The following CGN variants were observed in gnomAD, a reference collection of about 807,000 sequenced individuals.
The protein encoded by CGN is cingulin.
Under a neutral mutation model 157.1 loss-of-function variants are expected in CGN, and 121 were observed. That is an observed-to-expected ratio of 0.77 (90% CI 0.66 to 0.90). The LOEUF (loss-of-function observed/expected upper bound fraction) is 0.90. CGN is among the 40% of genes least tolerant of loss of function. CGN has a pLI of 0.00. For missense variants in CGN, 1,424 were observed against 1,520.9 expected (o/e 0.94, Z 1.06); for synonymous variants, 535 against 607.5 (o/e 0.88, Z 1.76).
At position 151,532,587 on chromosome 1, in the gene CGN, T is replaced by A; in HGVS notation, c.2742+15T>A. ...TTCAGGATGAGGTAGAAGTCTAATA[T>A]CCTTGGGTTTGAAGGTCCTTGCCTC... On this transcript the variant is annotated intron_variant, in intron 14 of 20. Coordinates refer to ENST00000271636, the MANE Select transcript of CGN (RefSeq NM_020770.3). The A allele has an allele frequency of 7.1e-7, 1 of 1,418,232 alleles. No individual in the cohort carries two copies. Among genetic ancestry groups the A allele is most frequent in the Non-Finnish European group, 9.3e-7 (1 of 1,071,942 alleles). 87.9% of individuals were successfully genotyped at this position (1,418,232 alleles called of 1,614,324 possible).
At chr1:151,529,663 C>A in intron 11 of CGN, 104 bp downstream of exon 11, 1 of 1,055,344 alleles carries the variant, frequency 9.5e-7, no homozygotes, top group Non-Finnish European at 1.4e-6. Flanking sequence ...TATGTACTGA[C>A]CAGCTCCTGG....
intron 5 of CGN, among the ~76,000 whole-genome samples, chr1:151,522,362 C>T (rs1484042479): frequency 1.3e-5 from 2 of 152,208 alleles, no homozygotes; most frequent in African/African-American, 2.4e-5. Flanking sequence ...CAATGGCTCA[C>T]ACCCATAATC....
chr1:151,534,043 G>A lies in CGN; in HGVS notation c.2811G>A (p.Glu937=), dbSNP rs1571670707. ...AERDTARLDK[E]LLAQRLQGLE... ...GGGACACAGCCCGGCTGGACAAAGAGCTACTGGCCCAGCGACTGCAGGGGC... is the reference window on the plus strand; with the variant it reads ...GGGACACAGCCCGGCTGGACAAAGAACTACTGGCCCAGCGACTGCAGGGGC... The change falls in exon 15 of 21, where the codon GAG becomes GAA. Residue 937 remains glutamate (E), a synonymous_variant. Coordinates refer to ENST00000271636, the MANE Select transcript of CGN (RefSeq NM_020770.3). The A allele has an allele frequency of 2.5e-6, 4 of 1,613,806 alleles. No individual in the cohort carries two copies. In the East Asian group the frequency reaches 8.9e-5, roughly 36 times the overall value.
At position 151,519,175 on chromosome 1, in the gene CGN, T is replaced by C. The variant is rs1243510640; in HGVS notation, c.656T>C (p.Leu219Pro). The change falls in exon 2 of 21, where the codon CTC (leucine) becomes CCC (proline). Residue 219 changes from leucine to proline, a missense_variant. By Grantham distance (98) the Leu-to-Pro change is moderately conservative. Around this residue, in one of 3 missense-constraint regions of CGN, gnomAD observed 1,187 missense variants for 1,217.6 expected, o/e 0.97. Transcript: ENST00000271636. The part of the protein sequence containing the change: ...RKRSKSLDSR[L>P]PRDTFEERER... ...CGGAGCAAGAGCCTGGACAGCCGCC[T>C]CCCACGGGACACCTTTGAGGAACGG... 6.2e-7 allele frequency: 1 copy of C among 1,614,028 alleles called. No individual in the cohort carries two copies. Among genetic ancestry groups the C allele is most frequent in the Admixed American group, 1.7e-5 (1 of 60,026 alleles).
In CGN at chr1:151,534,063, AG is replaced by A; in HGVS notation, c.2835del (p.Leu946TrpfsTer19). On this transcript the variant is annotated frameshift_variant, in exon 15 of 21. Transcript: ENST00000271636. LOFTEE classifies it high-confidence loss of function. ...AAAGAGCTACTGGCCCAGCGACTGC[AG>A]GGGCTGGAGCAAGAGGCAGAGAACA... ...LDKELLAQRL[Q>X]GLEQEAENKK... 1 of 1,613,684 alleles carries A rather than the reference AG, an allele frequency of 6.2e-7. No homozygotes were observed. The highest frequency in any genetic ancestry group is 2.2e-5 in the East Asian group (1 of 44,868).
chr1:151,524,817 G>T lies in CGN; in HGVS notation c.1545G>T (p.Val515=). 6.2e-7 allele frequency: 1 copy of T among 1,612,650 alleles called. No homozygotes were observed. The highest frequency in any genetic ancestry group is 8.5e-7 in the Non-Finnish European group (1 of 1,180,000). ...AGGTAGCCTCCCGTGACCAGGAGGT[G>T]GAACATGTCCGGCAGCAGTACCAGC... ...KEEVASRDQE[V]EHVRQQYQRD... is the part of the protein sequence containing the mutation. Residue 515 remains valine (V), a synonymous_variant, in exon 8 of 21, where the codon GTG becomes GTT. Coordinates refer to ENST00000271636, the MANE Select transcript of CGN (RefSeq NM_020770.3). The surrounding 1 kb of genome is among the most constrained non-coding windows in gnomAD (Gnocchi z 4.4).
rs1272991117 is a variant in CGN, at chr1:151,538,311, C to T, written c.*965C>T. ...GTGGCCTTCCTTGGGGCTTCTCTGA[C>T]CACATGTGCCCAACTTCAATAAGAG... On this transcript the variant is annotated 3_prime_UTR_variant, in exon 21 of 21. Transcript: ENST00000271636. 6.6e-6 allele frequency: 1 copy of T among 152,198 alleles called. No homozygotes were observed. 9.4% of individuals were successfully genotyped at this position (152,198 alleles called of 1,614,324 possible). A position where few individuals can be genotyped will look rare whatever the true frequency, so the allele number is the denominator to read the frequency against.
rs112517377 is a variant in CGN, at chr1:151,530,699, G to A, written c.2524G>A (p.Glu842Lys). 71 of 1,555,974 alleles carry A rather than the reference G, an allele frequency of 4.6e-5. No homozygotes were observed. Among genetic ancestry groups the A allele is most frequent in the Non-Finnish European group, 5.9e-5 (68 of 1,149,184 alleles). Reference sequence around the variant, plus strand: ...CCGGCGAGGCAAGGCTGAGCTGGAGGAGCAGAAGCGTTTGCTGGACAGGAC... The same window carrying A: ...CCGGCGAGGCAAGGCTGAGCTGGAGAAGCAGAAGCGTTTGCTGGACAGGAC... ...VLRRGKAELE[E>K]QKRLLDRTVD... Residue 842 changes from glutamate (E) to lysine (K), a missense_variant, in exon 13 of 21, where the codon GAG becomes AAG. Coordinates refer to ENST00000271636, the MANE Select transcript of CGN (RefSeq NM_020770.3).
At chr1:151,517,509 T>G (rs1285743243) in intron 1 of CGN, among the ~76,000 whole-genome samples, 1 of 121,142 alleles carries the variant, frequency 8.3e-6, no homozygotes, top group South Asian at 2.3e-4. Context: ...GCACACAGTG[T>G]TTTTTTTTTT....
chr1:151,515,356 A>T (rs1444148883), intron 1 of CGN: 1 of 152,166 alleles, frequency 6.6e-6, no homozygotes, highest in Non-Finnish European at 1.5e-5. Context: ...TTATCATTGT[A>T]TATGCCCATA....
In CGN at chr1:151,524,994, C is replaced by G. The variant is rs530072759; in HGVS notation, c.1614+108C>G. ...TCATGGTTGCAACTGGGAACTCCCC[C>G]TCTCCTCCTAAAGGACACAGTGAGA... On this transcript the variant is annotated intron_variant, in intron 8 of 20. Transcript: ENST00000271636. The surrounding 1 kb of genome is among the most constrained non-coding windows in gnomAD (Gnocchi z 4.4). 2 of 854,616 alleles carry G rather than the reference C, an allele frequency of 2.3e-6. No homozygotes were observed. The highest frequency in any genetic ancestry group is 1.7e-5 in the African/African-American group (1 of 58,512). 52.9% of individuals were successfully genotyped at this position (854,616 alleles called of 1,614,324 possible).
intron 14 of CGN, 94 bp downstream of exon 14, chr1:151,532,666 C>G: frequency 9.4e-7 from 1 of 1,067,810 alleles, no homozygotes; most frequent in South Asian, 2.6e-5. Flanking sequence ...GTCGCCCAGG[C>G]TGGAGTTCAG....
Position 151,518,499 on chromosome 1 carries a change from C to A in CGN, c.-14-7C>A. On this transcript the variant is annotated splice_polypyrimidine_tract_variant and splice_region_variant and intron_variant, in intron 1 of 20. Coordinates refer to ENST00000271636, the MANE Select transcript of CGN (RefSeq NM_020770.3). ...TCTCAGCCTAAACTCATTTCTTCAT[C>A]TTCTAGGACTCCTCCTATTTATGGA... The A allele has an allele frequency of 1.3e-6, 2 of 1,584,248 alleles. No homozygotes were observed. The highest frequency in any genetic ancestry group is 1.7e-6 in the Non-Finnish European group (2 of 1,162,172).
chr1:151,532,274 A>T, intron 13 of CGN, 128 bp from the exon 14 acceptor site: 1 of 604,974 alleles, frequency 1.7e-6, no homozygotes, highest in Non-Finnish European at 2.7e-6. Context: ...CTAGGAACCT[A>T]GGCCCAGGAA....
chr1:151,520,134 C>A, intron 2 of CGN, 32 bp from the exon 3 acceptor site: 1 of 1,398,502 alleles, frequency 7.2e-7, no homozygotes, highest in Non-Finnish European at 9.8e-7. Flanking sequence ...TTCTTTCTTT[C>A]TTTTTTTTTT....
At chr1:151,532,215 G>A (rs576271619) in intron 13 of CGN, among the ~76,000 whole-genome samples, 187 bp from the exon 14 acceptor site, 1 of 152,170 alleles carries the variant, frequency 6.6e-6, no homozygotes, top group South Asian at 2.1e-4. Context: ...CCAGTAAGTG[G>A]TAGAGCCAGG....
Position 151,536,820 on chromosome 1 carries a change from C to T in CGN, c.3397C>T (p.Arg1133Cys), listed in dbSNP as rs768197859. 30 of 1,613,976 alleles carry T rather than the reference C, an allele frequency of 1.9e-5. No individual in the cohort carries two copies. The highest frequency in any genetic ancestry group is 4.4e-5 in the South Asian group (4 of 91,086). ...GGACGGCCTGAGGAAGAAGGCCCAG[C>T]GTGAGGTGGAGGAGCAGCATGAGGT... The part of the protein sequence containing the change: ...RLDGLRKKAQ[R>C]EVEEQHEVNE... The change falls in exon 20 of 21, where the codon CGT (arginine) becomes TGT (cysteine). Residue 1133 changes from arginine (R) to cysteine (C), a missense_variant. By Grantham distance (180) the Arg-to-Cys change is radical. Around this residue, in one of 3 missense-constraint regions of CGN, gnomAD observed 199 missense variants for 272.2 expected, o/e 0.73. Transcript: ENST00000271636.
intron 5 of CGN, among the ~76,000 whole-genome samples, chr1:151,522,345 C>T (rs1047867189): frequency 2.0e-5 from 3 of 152,158 alleles, no homozygotes; most frequent in African/African-American, 7.2e-5. Flanking sequence ...GCTTAATTGG[C>T]TGGGTGCAAT....
At position 151,536,726 on chromosome 1, in the gene CGN, C is replaced by A; in HGVS notation, c.3307-4C>A. 1 of 1,613,930 alleles carries A rather than the reference C, an allele frequency of 6.2e-7. No homozygotes were observed. Among genetic ancestry groups the A allele is most frequent in the Non-Finnish European group, 8.5e-7 (1 of 1,179,912 alleles). On this transcript the variant is annotated splice_region_variant and splice_polypyrimidine_tract_variant and intron_variant, in intron 19 of 20. Transcript: ENST00000271636. ...CAGATGTGTGGACTTGGTATCCTGC[C>A]CAGCTAAGCCTGAGGGTGAAGGCTT...
Sources: allele counts gnomAD v4.1 joint callset (sites outside exome capture counted in the v4.1 genomes callset), GRCh38; gene constraint gnomAD v4.1.1; regional missense constraint gnomAD v4.1.1; non-coding constraint Gnocchi (gnomAD v3.1); transcripts MANE v1.5; gene names NCBI Gene and HGNC (gene_info 2026-07-23, HGNC 2026-07-21).